Variants in UNC5B observed in about 807,000 individuals in gnomAD.
UNC5B encodes the protein unc-5 netrin receptor B.
In UNC5B, 56 loss-of-function variants were observed where a neutral mutation model predicts 103.7. The observed-to-expected ratio is 0.54, with a 90% CI of 0.44 to 0.67. UNC5B has a LOEUF of 0.67. Ranked by LOEUF, UNC5B falls within the 30% of genes least tolerant of loss-of-function variation. The pLI, the probability that UNC5B is intolerant of heterozygous loss-of-function variation, is 0.00. For missense variants in UNC5B, 1,194 were observed against 1,284.5 expected, an observed-to-expected ratio of 0.93 and a Z score of 1.08; for synonymous variants, 577 against 542.0, an observed-to-expected ratio of 1.06 and a Z score of -0.90.
intron 1 of UNC5B, among the ~76,000 whole-genome samples, chr10:71,245,210 A>G (rs1273381447): frequency 6.6e-6 from 1 of 152,148 alleles, no homozygotes; most frequent in African/African-American, 2.4e-5. Context: ...TCTGGGAGCT[A>G]GGGCTTAGAG....
At chr10:71,285,581 A>C (rs7921073) in intron 4 of UNC5B, 152 bp downstream of exon 4, 64,761 of 730,368 alleles carry the variant, frequency 0.089, 3,424 homozygotes, top group South Asian at 0.13. Flanking sequence ...AGAGAAGAGA[A>C]CTGTTACCTC....
At position 71,293,798 on chromosome 10, in the gene UNC5B, C is replaced by T. The variant is rs776458962; in HGVS notation, c.2040C>T (p.Tyr680=). ...TCCTGCTGGACCAGCTGGGCACCTA[C>T]GTGTTCACGGGCGAGTCCTATTCCC... ...CHILLDQLGT[Y]VFTGESYSRS... Residue 680 remains tyrosine, a synonymous_variant, in exon 13 of 17, where the codon TAC becomes TAT. Transcript: ENST00000335350. 18 of 1,607,820 alleles carry T rather than the reference C, an allele frequency of 1.1e-5. No individual in the cohort carries two copies. The highest frequency in any genetic ancestry group is 2.7e-5 in the African/African-American group (2 of 74,796).
At chr10:71,254,129 A>G (rs951165498) in intron 1 of UNC5B, among the ~76,000 whole-genome samples, 4 of 152,200 alleles carry the variant, frequency 2.6e-5, no homozygotes, top group Non-Finnish European at 4.4e-5. Flanking sequence ...TCTTGGTTCA[A>G]TGCTCTTTCC....
At chr10:71,215,046 G>A (rs1843304031) in intron 1 of UNC5B, among the ~76,000 whole-genome samples, 1 of 152,234 alleles carries the variant, frequency 6.6e-6, no homozygotes, top group Non-Finnish European at 1.5e-5. Context: ...TGCCCAGAAT[G>A]TGTGGCCCTT....
At position 71,290,977 on chromosome 10, in the gene UNC5B, G is replaced by T; in HGVS notation, c.1162G>T (p.Val388Leu). 1 of 1,614,094 alleles carries T rather than the reference G, an allele frequency of 6.2e-7. No homozygotes were observed. Among genetic ancestry groups the T allele is most frequent in the Non-Finnish European group, 8.5e-7 (1 of 1,180,034 alleles). Reference sequence around the variant, plus strand: ...GCTCGTGGTGGCCATCTTCGTGGTCGTGGCAATCCTCATGGCGGTGGGGGT... The same window carrying T: ...GCTCGTGGTGGCCATCTTCGTGGTCTTGGCAATCCTCATGGCGGTGGGGGT... ...AGLVVAIFVV[V>L]AILMAVGVVV... The change falls in exon 9 of 17, where the codon GTG becomes TTG. Residue 388 changes from valine (V) to leucine (L), a missense_variant. Coordinates refer to ENST00000335350, the MANE Select transcript of UNC5B (RefSeq NM_170744.5).
In UNC5B at chr10:71,277,063, G is replaced by C. The variant is rs1844789722; in HGVS notation, c.80-2758G>C. 2.0e-5 allele frequency among the ~76,000 whole-genome samples: 3 copies of C among 152,228 alleles called. 1 individual carries two copies. The South Asian group carries it at 6.2e-4, about 32-fold the overall frequency. Reference sequence around the variant, plus strand: ...GGTGGGGCTGCCAGACGCAGGGCCTGCTGCACTAATGGATGTCTAATGTTT... The same window carrying C: ...GGTGGGGCTGCCAGACGCAGGGCCTCCTGCACTAATGGATGTCTAATGTTT... On this transcript the variant is annotated intron_variant, in intron 1 of 16. Coordinates refer to ENST00000335350, the MANE Select transcript of UNC5B (RefSeq NM_170744.5).
intron 1 of UNC5B, among the ~76,000 whole-genome samples, chr10:71,226,498 T>A (rs1843567006): frequency 6.6e-6 from 1 of 152,256 alleles, no homozygotes; most frequent in Non-Finnish European, 1.5e-5. Flanking sequence ...GCATGATGTT[T>A]GCCAGGCAAC....
At chr10:71,292,346 G>C in intron 10 of UNC5B, 121 bp from the exon 11 acceptor site, 1 of 812,100 alleles carries the variant, frequency 1.2e-6, no homozygotes, top group Non-Finnish European at 2.0e-6. Flanking sequence ...CCCACCCCTG[G>C]CTGGGGACTA....
chr10:71,297,954 ACT>A lies in UNC5B; in HGVS notation c.2537_2538del (p.Thr846SerfsTer33). On this transcript the variant is annotated frameshift_variant, in exon 16 of 17. Transcript: ENST00000335350. LOFTEE classifies it high-confidence loss of function. ...CACTCTCTGCTCTGCCCCTGGCAGC[ACT>A]GTCACCACCCAGCTGGGACCTTATG... The part of the protein sequence containing the change: ...LDTLCSAPGS[T>X]VTTQLGPYAF... 1.9e-6 allele frequency: 3 copies of A among 1,613,904 alleles called. No individual in the cohort carries two copies. Among genetic ancestry groups the A allele is most frequent in the Non-Finnish European group, 2.5e-6 (3 of 1,179,946 alleles).
At position 71,243,632 on chromosome 10, in the gene UNC5B, G is replaced by A. The variant is rs111742271; in HGVS notation, c.79+30568G>A. Among the ~76,000 whole-genome samples the A allele has an allele frequency of 1.3e-3, 197 of 152,244 alleles. 1 individual carries two copies. Among genetic ancestry groups the A allele is most frequent in the South Asian group, 4.4e-3 (21 of 4,820 alleles). ...GGGTTAGTTCCCTTCCCTGTTCCCC[G>A]GGGGGCTTGGGAAGCCTTCGCCACC... is the stretch of plus-strand genomic sequence containing the variant. On this transcript the variant is annotated intron_variant, in intron 1 of 16. Coordinates refer to ENST00000335350, the MANE Select transcript of UNC5B (RefSeq NM_170744.5).
intron 6 of UNC5B, among the ~76,000 whole-genome samples, chr10:71,288,295 A>G (rs1245937024): frequency 6.6e-6 from 1 of 152,070 alleles, no homozygotes; most frequent in Non-Finnish European, 1.5e-5. Flanking sequence ...GTGTGTGTAA[A>G]TCGTGCACTG....
At chr10:71,215,013 G>A (rs969690105) in intron 1 of UNC5B, among the ~76,000 whole-genome samples, 1 of 152,214 alleles carries the variant, frequency 6.6e-6, no homozygotes, top group African/African-American at 2.4e-5. Flanking sequence ...CCAACTGGTG[G>A]GGTCGGCCTG....
At chr10:71,270,137 G>T (rs904769165) in intron 1 of UNC5B, among the ~76,000 whole-genome samples, 3 of 152,108 alleles carry the variant, frequency 2.0e-5, no homozygotes, top group Non-Finnish European at 4.4e-5. Flanking sequence ...ATCACCTGAG[G>T]TCAGGAGTTC....
chr10:71,233,101 G>C (rs1318064771), intron 1 of UNC5B, among the ~76,000 whole-genome samples: 1 of 152,162 alleles, frequency 6.6e-6, no homozygotes, highest in Non-Finnish European at 1.5e-5. Flanking sequence ...TAAATGCCAA[G>C]AGAACAGGGA....
In UNC5B at chr10:71,220,925, G is replaced by A. The variant is rs139878216; in HGVS notation, c.79+7861G>A. Among the ~76,000 whole-genome samples the A allele has an allele frequency of 2.3e-3, 356 of 152,326 alleles. 1 individual carries two copies. The highest frequency in any genetic ancestry group is 8.0e-3 in the African/African-American group (333 of 41,574). ...AAGTGCCTTTCCCTCTCTGGGTTCT[G>A]ATTGTTTGGTTTCCCTTCCCATCTG... On this transcript the variant is annotated intron_variant, in intron 1 of 16. Transcript: ENST00000335350.
chr10:71,227,790 A>T (rs79533085), intron 1 of UNC5B, among the ~76,000 whole-genome samples: 22,400 of 150,676 alleles, frequency 0.15, 1,911 homozygotes, highest in African/African-American at 0.24. Flanking sequence ...TAATGGGGAA[A>T]CACTAAAGGT....
At chr10:71,296,482 GC>G (rs967102325) in intron 14 of UNC5B, 95 bp from the exon 15 acceptor site, 29 of 1,421,458 alleles carry the variant, frequency 2.0e-5, no homozygotes, top group African/African-American at 4.3e-5. Flanking sequence ...GGCCTGAACT[GC>G]CCCCCAAAGC....
At chr10:71,233,411 A>G (rs1033632815) in intron 1 of UNC5B, among the ~76,000 whole-genome samples, 2 of 152,182 alleles carry the variant, frequency 1.3e-5, no homozygotes, top group Non-Finnish European at 2.9e-5. Context: ...AATAAATAAA[A>G]TGTTGCCCAG....
intron 1 of UNC5B, among the ~76,000 whole-genome samples, chr10:71,264,243 A>T (rs959213590): frequency 6.6e-6 from 1 of 152,230 alleles, no homozygotes; most frequent in African/African-American, 2.4e-5. Context: ...CAATTAAATG[A>T]AATAATGTAG....
Sources: gnomAD v4.1 joint callset for allele counts (sites outside exome capture counted in the v4.1 genomes callset) on GRCh38, gnomAD v4.1.1 for gene constraint, MANE v1.5 for transcripts, NCBI Gene and HGNC (gene_info 2026-07-23, HGNC 2026-07-21) for gene names.